Variants in KDM4A observed in about 807,000 individuals in gnomAD.
The protein encoded by KDM4A is lysine demethylase 4A.
KDM4A carries 23 observed loss-of-function variants against 127.1 expected under a neutral mutation model. That is an observed-to-expected ratio of 0.18 (90% CI 0.13 to 0.26). KDM4A has a LOEUF of 0.26. Ranked by LOEUF, KDM4A falls within the 10% of genes least tolerant of loss-of-function variation. KDM4A has a pLI of 1.00. For missense variants in KDM4A, 890 were observed against 1,329.1 expected (o/e 0.67, Z 5.14); for synonymous variants, 443 against 466.5 (o/e 0.95, Z 0.65).
chr1:43,675,209 TA>T (rs1472388397), intron 11 of KDM4A, among the ~76,000 whole-genome samples: 1 of 152,210 alleles, frequency 6.6e-6, no homozygotes, highest in Non-Finnish European at 1.5e-5. Flanking sequence ...TTGAACTACT[TA>T]AAAGTCTCTA....
chr1:43,667,686 C>T, intron 8 of KDM4A, 86 bp from the exon 9 acceptor site: 1 of 1,553,520 alleles, frequency 6.4e-7, no homozygotes, highest in South Asian at 1.2e-5. Context: ...CACTTGTTTC[C>T]ATGTGGAGGG....
intron 1 of KDM4A, among the ~76,000 whole-genome samples, chr1:43,652,169 A>G (rs894066795): frequency 6.6e-6 from 1 of 152,228 alleles, no homozygotes; most frequent in Non-Finnish European, 1.5e-5. Flanking sequence ...TACAAGGCGT[A>G]AGCCACCGCA....
At chr1:43,699,788 G>A (rs1309833390) in intron 19 of KDM4A, 1 of 150,054 alleles carries the variant, frequency 6.7e-6, no homozygotes, top group Non-Finnish European at 1.5e-5. Flanking sequence ...GGAGTACGGT[G>A]GCATGATCTT....
chr1:43,662,752 T>C, intron 4 of KDM4A, 142 bp from the exon 5 acceptor site: 1 of 652,224 alleles, frequency 1.5e-6, no homozygotes, highest in Non-Finnish European at 2.6e-6. Context: ...AATGCTATGG[T>C]CTTCACGTCC....
chr1:43,700,734 G>A (rs932834464), intron 19 of KDM4A, among the ~76,000 whole-genome samples: 18 of 151,648 alleles, frequency 1.2e-4, no homozygotes, highest in African/African-American at 2.7e-4. Flanking sequence ...GTTCTTAAAA[G>A]TTAGTTGCAG....
Position 43,691,566 on chromosome 1 carries a change from AGAG to A in KDM4A, c.2318_2319+1del, listed in dbSNP as rs1299539497. On this transcript the variant is annotated inframe_deletion, in exon 15 of 22. Transcript: ENST00000372396. The stretch of plus-strand genomic sequence containing the variant: ...GTTCTCGGTGTTCAGCCAATGCCCT[AGAG>A]GAGGTGAGTGATCCCACACTGTTAC... 1 of 1,613,502 alleles carries A rather than the reference AGAG, an allele frequency of 6.2e-7. No individual in the cohort carries two copies. Among genetic ancestry groups the A allele is most frequent in the South Asian group, 1.1e-5 (1 of 91,028 alleles).
chr1:43,682,379 G>A (rs1042211571), intron 11 of KDM4A, among the ~76,000 whole-genome samples: 2 of 152,166 alleles, frequency 1.3e-5, no homozygotes, highest in African/African-American at 4.8e-5. Context: ...CCGGATGTAC[G>A]TTTTGAAAAC....
intron 11 of KDM4A, among the ~76,000 whole-genome samples, chr1:43,672,334 G>A (rs1167257757): frequency 2.0e-5 from 3 of 151,668 alleles, no homozygotes; most frequent in Non-Finnish European, 4.4e-5. Flanking sequence ...TATTACAGGT[G>A]TGTGCCACCA....
intron 8 of KDM4A, among the ~76,000 whole-genome samples, 160 bp from the exon 9 acceptor site, chr1:43,667,612 G>A (rs1660528386): frequency 6.6e-6 from 1 of 152,174 alleles, no homozygotes; most frequent in Non-Finnish European, 1.5e-5. Context: ...CATGTTTGAA[G>A]GTCCTGCAAG....
At chr1:43,661,615 A>AG (rs1660380921) in intron 4 of KDM4A, among the ~76,000 whole-genome samples, 6 of 140,338 alleles carry the variant, frequency 4.3e-5, no homozygotes, top group Non-Finnish European at 9.1e-5. Flanking sequence ...TCTCAAAAAA[A>AG]AAAAAAAAAA....
In KDM4A at chr1:43,679,639, G is replaced by A. The variant is rs564564210; in HGVS notation, c.1735-4045G>A. ...TGGTAAACTGCAGTTTTTGGTAAAA[G>A]CACCCTGGCTGGCTGACACTGCCGA... On this transcript the variant is annotated intron_variant, in intron 11 of 21. Transcript: ENST00000372396. Among the ~76,000 whole-genome samples, 3 of 152,270 alleles carry A rather than the reference G, an allele frequency of 2.0e-5. No individual in the cohort carries two copies. In the East Asian group the frequency reaches 5.8e-4, roughly 29 times the overall value.
intron 10 of KDM4A, among the ~76,000 whole-genome samples, chr1:43,670,590 G>GTC (rs1166826822): frequency 7.7e-6 from 1 of 129,778 alleles, no homozygotes; most frequent in East Asian, 2.3e-4. Flanking sequence ...TTGAGACGGA[G>GTC]TCTCACTCTG....
intron 19 of KDM4A, among the ~76,000 whole-genome samples, chr1:43,701,018 G>T (rs1440803541): frequency 1.3e-5 from 2 of 151,848 alleles, no homozygotes; most frequent in African/African-American, 2.4e-5. Context: ...CACCTACCGG[G>T]TTCAAGCGAT....
chr1:43,692,894 A>C (rs1264817057), intron 16 of KDM4A, among the ~76,000 whole-genome samples: 2 of 152,154 alleles, frequency 1.3e-5, no homozygotes, highest in East Asian at 1.9e-4. Flanking sequence ...TCTGAGGTGG[A>C]AACGTAAGAT....
rs1481878455 is a variant in KDM4A at position 43,704,061 on chromosome 1, T to C, written c.3003T>C (p.Asp1001=). 4 of 1,614,028 alleles carry C rather than the reference T, an allele frequency of 2.5e-6. No individual in the cohort carries two copies. The Admixed American group carries it at 6.7e-5, about 27-fold the overall frequency. Residue 1001 remains aspartate, a synonymous_variant, in exon 21 of 22, where the codon GAT becomes GAC. Transcript: ENST00000372396. Reference sequence around the variant, plus strand: ...GCTCACAACTTGTGGTTAAGAGAGATGATGTATACACACTGGATGAAGAGC... The same window carrying C: ...GCTCACAACTTGTGGTTAAGAGAGACGATGTATACACACTGGATGAAGAGC... ...EDGSQLVVKR[D]DVYTLDEELP...
At chr1:43,659,836 C>T (rs1042974943) in intron 3 of KDM4A, among the ~76,000 whole-genome samples, 2 of 152,210 alleles carry the variant, frequency 1.3e-5, no homozygotes, top group Admixed American at 6.5e-5. Flanking sequence ...GGGGTACTTA[C>T]AAATGAGCCC....
At chr1:43,658,101 C>T (rs1374811024) in intron 3 of KDM4A, among the ~76,000 whole-genome samples, 12 of 139,102 alleles carry the variant, frequency 8.6e-5, no homozygotes, top group East Asian at 8.5e-4. Flanking sequence ...GACAGAGTCT[C>T]GCTGTGTTGC....
Position 43,704,515 on chromosome 1 carries a change from C to G in KDM4A, c.*145C>G. On this transcript the variant is annotated 3_prime_UTR_variant, in exon 22 of 22. Transcript: ENST00000372396. The stretch of plus-strand genomic sequence containing the variant: ...AAATAACCGACCCATCATCTTCTCA[C>G]CCACCCTCATTGCATTCCGCTGTAG... 1 of 884,738 alleles carries G rather than the reference C, an allele frequency of 1.1e-6. No homozygotes were observed. The highest frequency in any genetic ancestry group is 3.5e-4 in the Middle Eastern group (1 of 2,882). 54.8% of individuals were successfully genotyped at this position (884,738 alleles called of 1,614,324 possible). A position where few individuals can be genotyped will look rare whatever the true frequency, so the allele number is the denominator to read the frequency against.
rs747410051 is a variant in KDM4A at position 43,671,791 on chromosome 1, G to A, written c.1650G>A (p.Gly550=). ...TCACTGTGCACAGTTATGCCAAAGG[G>A]GATGGCAGGGTCACTGTGGGAGAGC... ...GVLTVHSYAK[G]DGRVTVGEPC... The change falls in exon 11 of 22, where the codon GGG becomes GGA. Residue 550 remains glycine, a synonymous_variant. Coordinates refer to ENST00000372396, the MANE Select transcript of KDM4A (RefSeq NM_014663.3). 1.7e-5 allele frequency: 28 copies of A among 1,611,526 alleles called. No individual in the cohort carries two copies. In the South Asian group the frequency reaches 2.9e-4, roughly 16 times the overall value.
Sources: allele counts gnomAD v4.1 joint callset (sites outside exome capture counted in the v4.1 genomes callset), GRCh38; gene constraint gnomAD v4.1.1; transcripts MANE v1.5; gene names NCBI Gene and HGNC (gene_info 2026-07-23, HGNC 2026-07-21).